Variants in TBC1D22A observed in about 807,000 individuals in gnomAD.
TBC1D22A encodes TBC1 domain family member 22A, also known as putative GTPase activator.
A neutral mutation model predicts 60.2 loss-of-function variants in TBC1D22A; 38 were observed. The ratio of observed to expected loss-of-function variants is 0.63; its 90% CI spans 0.49 to 0.83. The LOEUF (loss-of-function observed/expected upper bound fraction) is 0.83, where lower values mean the gene tolerates loss of function less well. TBC1D22A is among the 40% of genes least tolerant of loss of function. The pLI is 0.00. For missense variants in TBC1D22A, 628 were observed against 701.0 expected, an observed-to-expected ratio of 0.90 and a Z score of 1.18; for synonymous variants, 302 against 281.7, an observed-to-expected ratio of 1.07 and a Z score of -0.72.
At chr22:46,941,669 A>ATATATATACGCGGAT (rs2072119711) in intron 8 of TBC1D22A, among the ~76,000 whole-genome samples, 1 of 67,074 alleles carries the variant, frequency 1.5e-5, no homozygotes, top group African/African-American at 6.7e-5. Flanking sequence ...TATACGCGGA[A>ATATATATACGCGGAT]TATATATACG....
intron 10 of TBC1D22A, among the ~76,000 whole-genome samples, chr22:47,031,240 A>G (rs552980260): frequency 7.2e-5 from 11 of 152,212 alleles, no homozygotes; most frequent in Non-Finnish European, 1.6e-4. Flanking sequence ...CACTCAGGAC[A>G]CAGAGAGCTT....
At chr22:47,110,406 G>A (rs903298861) in intron 11 of TBC1D22A, among the ~76,000 whole-genome samples, 2 of 152,156 alleles carry the variant, frequency 1.3e-5, no homozygotes, top group African/African-American at 4.8e-5. Flanking sequence ...TTGAAACCAG[G>A]AGGTGGAGGT....
At chr22:46,988,651 A>G (rs1423856666) in intron 9 of TBC1D22A, among the ~76,000 whole-genome samples, 1 of 152,248 alleles carries the variant, frequency 6.6e-6, no homozygotes, top group East Asian at 1.9e-4. Flanking sequence ...GTGGGCTTCA[A>G]ATACTTGGTA....
At chr22:46,959,369 G>T (rs907533448) in intron 8 of TBC1D22A, among the ~76,000 whole-genome samples, 1 of 152,188 alleles carries the variant, frequency 6.6e-6, no homozygotes, top group Non-Finnish European at 1.5e-5. Context: ...ACACCGACCC[G>T]CAGGTTGGTT....
intron 4 of TBC1D22A, among the ~76,000 whole-genome samples, chr22:46,877,429 AG>A (rs2067617817): frequency 6.6e-6 from 1 of 152,206 alleles, no homozygotes; most frequent in East Asian, 1.9e-4. Flanking sequence ...AGAAAACCAG[AG>A]TTATGCCGAG....
chr22:47,067,058 G>C (rs976940686), intron 11 of TBC1D22A, among the ~76,000 whole-genome samples: 1 of 152,156 alleles, frequency 6.6e-6, no homozygotes, highest in Non-Finnish European at 1.5e-5. Flanking sequence ...TTGAGGTCAG[G>C]AGTTTGAGAC....
intron 11 of TBC1D22A, among the ~76,000 whole-genome samples, chr22:47,071,678 A>G (rs557517895): frequency 2.6e-4 from 39 of 152,314 alleles, no homozygotes; most frequent in African/African-American, 9.4e-4. Flanking sequence ...TGATCTGTCA[A>G]TCCAGAAACC....
intron 8 of TBC1D22A, chr22:46,913,615 C>A: frequency 1.0e-6 from 1 of 985,362 alleles, no homozygotes; most frequent in Non-Finnish European, 1.2e-6. Context: ...GCCTCTTACC[C>A]CTCATTTGAC....
chr22:47,045,307 C>T (rs2062996863), intron 11 of TBC1D22A, among the ~76,000 whole-genome samples: 1 of 152,174 alleles, frequency 6.6e-6, no homozygotes, highest in Non-Finnish European at 1.5e-5. Flanking sequence ...CACGGCTGCG[C>T]TCCTCCGCGG....
At chr22:46,987,965 A>G (rs1489206532) in intron 9 of TBC1D22A, among the ~76,000 whole-genome samples, 2 of 152,070 alleles carry the variant, frequency 1.3e-5, no homozygotes, top group African/African-American at 4.8e-5. Context: ...AGGCTTATGG[A>G]GTGTTCTGAA....
intron 10 of TBC1D22A, among the ~76,000 whole-genome samples, chr22:47,013,144 C>T (rs547250537): frequency 1.3e-5 from 2 of 152,348 alleles, no homozygotes; most frequent in South Asian, 2.1e-4. Context: ...CAGTCGCTTC[C>T]TTCCCAGGAT....
rs1207811125 is a variant in TBC1D22A at position 47,028,055 on chromosome 22, T to G, written c.1202-9016T>G. ...TTGCCTTCTCATATGGAAATGACCC[T>G]GTTTTGGAGGGGTGTGCTGAGTAGC... On this transcript the variant is annotated intron_variant, in intron 10 of 12. Coordinates refer to ENST00000337137, the MANE Select transcript of TBC1D22A (RefSeq NM_014346.5). The surrounding 1 kb of genome is among the most constrained non-coding windows in gnomAD (Gnocchi z 4.4). Among the ~76,000 whole-genome samples, 1 of 152,218 alleles carries G rather than the reference T, an allele frequency of 6.6e-6. No individual in the cohort carries two copies. The highest frequency in any genetic ancestry group is 1.5e-5 in the Non-Finnish European group (1 of 68,030).
At chr22:46,795,123 C>T (rs980332819) in intron 3 of TBC1D22A, among the ~76,000 whole-genome samples, 12 of 152,184 alleles carry the variant, frequency 7.9e-5, no homozygotes, top group Admixed American at 3.3e-4. Context: ...TCTTTGAACT[C>T]GTAACTGGAA....
chr22:47,151,054 C>T lies in TBC1D22A; in HGVS notation c.1426-22444C>T, dbSNP rs377148482. Reference sequence around the variant, plus strand: ...GGTCTCAGAGAGGATGTGGGATCCGCTGTGGCCCCTCAGAGGCTGAGGGGC... The same window carrying T: ...GGTCTCAGAGAGGATGTGGGATCCGTTGTGGCCCCTCAGAGGCTGAGGGGC... On this transcript the variant is annotated intron_variant, in intron 12 of 12. Transcript: ENST00000337137. Among the ~76,000 whole-genome samples, 5 of 152,232 alleles carry T rather than the reference C, an allele frequency of 3.3e-5. No homozygotes were observed. The East Asian group carries it at 7.8e-4, about 24-fold the overall frequency.
intron 8 of TBC1D22A, among the ~76,000 whole-genome samples, chr22:46,930,486 C>T (rs748455729): frequency 1.1e-4 from 16 of 151,990 alleles, no homozygotes; most frequent in Non-Finnish European, 2.4e-4. Context: ...GACGGAGTCT[C>T]GCTCTGTCAC....
At chr22:46,772,131 A>G (rs1295592401) in intron 1 of TBC1D22A, among the ~76,000 whole-genome samples, 1 of 60,324 alleles carries the variant, frequency 1.7e-5, no homozygotes, top group African/African-American at 6.3e-5. Context: ...ACATATACAT[A>G]TATATGTATA....
intron 7 of TBC1D22A, among the ~76,000 whole-genome samples, chr22:46,896,214 C>T (rs959393651): frequency 1.3e-5 from 2 of 152,106 alleles, no homozygotes; most frequent in Non-Finnish European, 1.5e-5. Context: ...TTTGGTTTGT[C>T]GATTCGCTCC....
intron 12 of TBC1D22A, among the ~76,000 whole-genome samples, chr22:47,164,773 C>T (rs2068132352): frequency 6.6e-6 from 1 of 152,228 alleles, no homozygotes. Context: ...ACCTTTTCGC[C>T]ATGATTTCAT....
chr22:47,157,721 C>T (rs1385806930), intron 12 of TBC1D22A, among the ~76,000 whole-genome samples: 1 of 152,214 alleles, frequency 6.6e-6, no homozygotes, highest in African/African-American at 2.4e-5. Flanking sequence ...CGGTGTGGCT[C>T]AGCTCCCAGC....
Sources: allele counts gnomAD v4.1 joint callset (sites outside exome capture counted in the v4.1 genomes callset), GRCh38; gene constraint gnomAD v4.1.1; non-coding constraint Gnocchi (gnomAD v3.1); transcripts MANE v1.5; gene names NCBI Gene and HGNC (gene_info 2026-07-23, HGNC 2026-07-21).